The following SREBF2 variants were observed in gnomAD, a reference collection of about 807,000 sequenced individuals.
SREBF2 encodes the protein sterol regulatory element-binding protein 2.
Under a neutral mutation model 113.1 loss-of-function variants are expected in SREBF2, and 55 were observed. That is an observed-to-expected ratio of 0.49 (90% CI 0.39 to 0.61). The LOEUF (loss-of-function observed/expected upper bound fraction) is 0.61. Ranked by LOEUF, SREBF2 falls within the 20% of genes least tolerant of loss-of-function variation. The probability of loss-of-function intolerance (pLI) is 0.00; values close to 1 mark genes in which losing one functional copy is unlikely to be tolerated. For missense variants in SREBF2, 1,349 were observed against 1,487.4 expected, an observed-to-expected ratio of 0.91 and a Z score of 1.53; for synonymous variants, 593 against 605.7, an observed-to-expected ratio of 0.98 and a Z score of 0.31.
At chr22:41,904,745 G>T in intron 17 of SREBF2, 118 bp from the exon 18 acceptor site, 1 of 821,106 alleles carries the variant, frequency 1.2e-6, no homozygotes, top group South Asian at 1.4e-5. Context: ...GAGCAAGGCA[G>T]GGTGGTGTGG....
intron 15 of SREBF2, chr22:41,899,579 T>G: frequency 5.0e-6 from 5 of 991,686 alleles, no homozygotes; most frequent in Non-Finnish European, 6.0e-6. Context: ...CTTGAAGTCC[T>G]TTGTTCCCTG....
intron 9 of SREBF2, among the ~76,000 whole-genome samples, chr22:41,879,427 T>G (rs1228045005): frequency 6.6e-6 from 1 of 151,352 alleles, no homozygotes; most frequent in Non-Finnish European, 1.5e-5. Context: ...GGGGCCAGAG[T>G]GTTTGGGAAG....
intron 3 of SREBF2, among the ~76,000 whole-genome samples, chr22:41,869,233 T>G (rs1489762991): frequency 6.6e-6 from 1 of 152,064 alleles, no homozygotes; most frequent in Non-Finnish European, 1.5e-5. Flanking sequence ...GCCTCCCGAG[T>G]AGCTGGGACT....
At chr22:41,893,376 G>A in intron 12 of SREBF2, 91 bp downstream of exon 12, 1 of 1,389,900 alleles carries the variant, frequency 7.2e-7, no homozygotes, top group Non-Finnish European at 1.0e-6. Flanking sequence ...CGGAGACACG[G>A]GTTGTCTCTT....
intron 1 of SREBF2, among the ~76,000 whole-genome samples, chr22:41,858,958 A>G (rs2077000810): frequency 6.6e-6 from 1 of 152,052 alleles, no homozygotes; most frequent in Non-Finnish European, 1.5e-5. Flanking sequence ...CCTGACCAAC[A>G]TGGTGAAACC....
chr22:41,884,741 C>A, intron 10 of SREBF2, 101 bp from the exon 11 acceptor site: 1 of 1,300,510 alleles, frequency 7.7e-7, no homozygotes, highest in Non-Finnish European at 1.1e-6. Flanking sequence ...CACCTCGCTT[C>A]TCCCCTGGTT....
intron 1 of SREBF2, among the ~76,000 whole-genome samples, chr22:41,853,804 G>A (rs769109490): frequency 2.0e-5 from 3 of 152,174 alleles, no homozygotes; most frequent in Non-Finnish European, 2.9e-5. Flanking sequence ...GGGAGGCCGC[G>A]GCAGGTGGAT....
intron 11 of SREBF2, chr22:41,891,326 G>GT (rs2077360230): frequency 6.6e-6 from 1 of 152,202 alleles, no homozygotes; most frequent in South Asian, 2.1e-4. Context: ...TTGTTCTCCA[G>GT]TATCCAGTAT....
At chr22:41,879,728 A>G (rs776731394) in intron 9 of SREBF2, among the ~76,000 whole-genome samples, 4 of 152,214 alleles carry the variant, frequency 2.6e-5, no homozygotes, top group Non-Finnish European at 2.9e-5. Flanking sequence ...AGAGGAAAAT[A>G]GGAGAATTTA....
chr22:41,875,589 G>A lies in SREBF2; in HGVS notation c.1251G>A (p.Val417=), dbSNP rs950033021. 2 of 1,614,222 alleles carry A rather than the reference G, an allele frequency of 1.2e-6. No homozygotes were observed. Among genetic ancestry groups the A allele is most frequent in the East Asian group, 2.2e-5 (1 of 44,882 alleles). ...IDLGSLVDNE[V]DLKIEDFNQN... ...TAGGCAGTCTGGTGGACAATGAGGT[G>A]GACCTGAAGATCGAGGACTTTAATC... The change falls in exon 7 of 19, where the codon GTG becomes GTA. Residue 417 remains valine, a synonymous_variant. Coordinates refer to ENST00000361204, the MANE Select transcript of SREBF2 (RefSeq NM_004599.4).
At chr22:41,848,580 C>T (rs2076899477) in intron 1 of SREBF2, among the ~76,000 whole-genome samples, 2 of 152,236 alleles carry the variant, frequency 1.3e-5, no homozygotes, top group Admixed American at 6.5e-5. Flanking sequence ...ATCGTAGAGC[C>T]TAACTGCTGG....
rs954331193 is a variant in SREBF2 at position 41,833,554 on chromosome 22, G to A, written c.88+196G>A. ...GCCCGACCCAGCTGCGCCGCTCCGG[G>A]AGGCCGTGGGATCTGGGGCGCCGCG... is the stretch of plus-strand genomic sequence containing the variant. On this transcript the variant is annotated intron_variant, in intron 1 of 18. Transcript: ENST00000361204. The surrounding 1 kb of genome is among the most constrained non-coding windows in gnomAD (Gnocchi z 4.1). 4 of 467,072 alleles carry A rather than the reference G, an allele frequency of 8.6e-6. No individual in the cohort carries two copies. The highest frequency in any genetic ancestry group is 8.3e-5 in the African/African-American group (4 of 48,388). The allele number at this position is 467,072 out of a possible 1,614,324, so 28.9% of individuals were successfully genotyped here. A position where few individuals can be genotyped will look rare whatever the true frequency, so the allele number is the denominator to read the frequency against.
chr22:41,845,721 T>C (rs2076871456), intron 1 of SREBF2, among the ~76,000 whole-genome samples: 1 of 152,192 alleles, frequency 6.6e-6, no homozygotes, highest in Non-Finnish European at 1.5e-5. Flanking sequence ...AATAGGATTT[T>C]AGAAGGTAAA....
At chr22:41,839,628 A>C (rs574629093) in intron 1 of SREBF2, among the ~76,000 whole-genome samples, 1 of 152,192 alleles carries the variant, frequency 6.6e-6, no homozygotes, top group African/African-American at 2.4e-5. Flanking sequence ...GAGCTGATCT[A>C]CTTTCTGTCT....
intron 1 of SREBF2, among the ~76,000 whole-genome samples, chr22:41,863,243 C>T (rs965420818): frequency 2.0e-5 from 3 of 152,220 alleles, no homozygotes; most frequent in Non-Finnish European, 2.9e-5. Context: ...ATCTTGCCCA[C>T]GCTCACACCA....
chr22:41,888,922 A>T (rs1051395052), intron 11 of SREBF2, among the ~76,000 whole-genome samples: 4 of 152,216 alleles, frequency 2.6e-5, no homozygotes, highest in African/African-American at 9.6e-5. Flanking sequence ...ATAAAGGAAG[A>T]AGCTTTGAAT....
intron 11 of SREBF2, 135 bp from the exon 12 acceptor site, chr22:41,892,982 G>T: frequency 1.9e-6 from 2 of 1,053,862 alleles, no homozygotes; most frequent in Non-Finnish European, 2.9e-6. Context: ...GTACCTGTGG[G>T]AGTCCTATCC....
intron 4 of SREBF2, 83 bp downstream of exon 4, chr22:41,871,118 A>C (rs572613389): frequency 6.4e-7 from 1 of 1,574,400 alleles, no homozygotes; most frequent in Admixed American, 1.7e-5. Context: ...AAATCTCTAT[A>C]TGCTGAGTAG....
chr22:41,869,198 G>T (rs540538246), intron 3 of SREBF2, among the ~76,000 whole-genome samples: 1 of 152,068 alleles, frequency 6.6e-6, no homozygotes, highest in Non-Finnish European at 1.5e-5. Flanking sequence ...TCCGCCTCCC[G>T]GGTTCAAGCA....
Sources: gnomAD v4.1 joint callset for allele counts (sites outside exome capture counted in the v4.1 genomes callset) on GRCh38, gnomAD v4.1.1 for gene constraint, Gnocchi (gnomAD v3.1) non-coding constraint, MANE v1.5 for transcripts, NCBI Gene and HGNC (gene_info 2026-07-23, HGNC 2026-07-21) for gene names.